CFAP61: variants seen among roughly 807,000 people sequenced by gnomAD.
The protein encoded by CFAP61 is cilia- and flagella-associated protein 61.
A neutral mutation model predicts 135.6 loss-of-function variants in CFAP61; 107 were observed. The observed-to-expected ratio is 0.79, with a 90% CI of 0.67 to 0.93. The LOEUF is 0.93. Ranked by LOEUF, CFAP61 falls within the 40% of genes least tolerant of loss-of-function variation. The pLI is 0.00. For synonymous variants in CFAP61, 575 were observed against 578.5 expected (o/e 0.99, Z 0.09); for missense variants, 1,507 against 1,556.2 (o/e 0.97, Z 0.53).
intron 26 of CFAP61, among the ~76,000 whole-genome samples, chr20:20,349,555 A>G (rs141726499): frequency 1.3e-5 from 2 of 152,346 alleles, no homozygotes; most frequent in Non-Finnish European, 2.9e-5. Flanking sequence ...ATCACATTCC[A>G]GCATGAGAGT....
At chr20:20,309,714 A>G (rs546146864) in intron 25 of CFAP61, among the ~76,000 whole-genome samples, 1 of 152,362 alleles carries the variant, frequency 6.6e-6, no homozygotes, top group Non-Finnish European at 1.5e-5. Flanking sequence ...TGGCCAAAAA[A>G]AAAATTATGT....
At position 20,212,419 on chromosome 20, in the gene CFAP61, C is replaced by T. The variant is rs189321056; in HGVS notation, c.1932+12517C>T. On this transcript the variant is annotated intron_variant, in intron 17 of 26. Coordinates refer to ENST00000245957, the MANE Select transcript of CFAP61 (RefSeq NM_015585.4). ...GTGCTTAAACTTCCAATTCCAAGCA[C>T]GTCTACATGTCGTCACTTCCTGGTG... Among the ~76,000 whole-genome samples, 18 of 152,304 alleles carry T rather than the reference C, an allele frequency of 1.2e-4. No homozygotes were observed. In the East Asian group the frequency reaches 1.4e-3, roughly 11 times the overall value.
intron 17 of CFAP61, among the ~76,000 whole-genome samples, chr20:20,211,307 A>G (rs1192539410): frequency 6.6e-6 from 1 of 152,200 alleles, no homozygotes; most frequent in African/African-American, 2.4e-5. Flanking sequence ...TCTGTGTTCC[A>G]TTAGAGAAGC....
At chr20:20,336,973 G>A (rs1195883658) in intron 25 of CFAP61, among the ~76,000 whole-genome samples, 1 of 152,236 alleles carries the variant, frequency 6.6e-6, no homozygotes, top group Non-Finnish European at 1.5e-5. Context: ...TCACATGTTT[G>A]ACACAGGCGT....
At chr20:20,102,039 C>T (rs2048065065) in intron 8 of CFAP61, among the ~76,000 whole-genome samples, 1 of 152,186 alleles carries the variant, frequency 6.6e-6, no homozygotes, top group Non-Finnish European at 1.5e-5. Context: ...CAAACAACTC[C>T]TATCTGCTGG....
At chr20:20,270,716 G>A (rs937393204) in intron 21 of CFAP61, among the ~76,000 whole-genome samples, 11 of 147,216 alleles carry the variant, frequency 7.5e-5, no homozygotes, top group Non-Finnish European at 1.3e-4. Context: ...GCCTGTCTCT[G>A]TCACCCCCCA....
At chr20:20,265,986 C>T (rs1601714808) in intron 21 of CFAP61, among the ~76,000 whole-genome samples, 1 of 152,110 alleles carries the variant, frequency 6.6e-6, no homozygotes, top group Non-Finnish European at 1.5e-5. Flanking sequence ...ACAGAAAGCC[C>T]GTCCCCACCT....
chr20:20,099,700 A>G (rs947311352), intron 8 of CFAP61, among the ~76,000 whole-genome samples: 20 of 152,128 alleles, frequency 1.3e-4, no homozygotes, highest in Admixed American at 4.6e-4. Context: ...GCCTTCCACC[A>G]ACTTGAATCT....
intron 25 of CFAP61, among the ~76,000 whole-genome samples, chr20:20,319,069 C>T (rs114216947): frequency 0.027 from 4,116 of 152,274 alleles, 186 homozygotes; most frequent in African/African-American, 0.094. Context: ...ATTGGCTGTC[C>T]CAAGACCCTG....
intron 21 of CFAP61, among the ~76,000 whole-genome samples, chr20:20,268,470 C>T (rs1226499777): frequency 6.6e-6 from 1 of 152,342 alleles, no homozygotes; most frequent in African/African-American, 2.4e-5. Context: ...GAGAGTAGCT[C>T]CTTCCCACAG....
At chr20:20,256,431 CACA>C (rs2051580814) in intron 20 of CFAP61, among the ~76,000 whole-genome samples, 1 of 135,614 alleles carries the variant, frequency 7.4e-6, no homozygotes, top group African/African-American at 2.7e-5. Flanking sequence ...CACACACACA[CACA>C]TTGTAGGCAA....
intron 9 of CFAP61, among the ~76,000 whole-genome samples, chr20:20,149,605 G>A (rs2052227296): frequency 6.6e-6 from 1 of 152,188 alleles, no homozygotes; most frequent in Admixed American, 6.5e-5. Context: ...CAGATTACAG[G>A]AGAAAGATTT....
At chr20:20,199,941 G>C (rs1202370802) in intron 17 of CFAP61, 39 bp downstream of exon 17, 2 of 1,607,534 alleles carry the variant, frequency 1.2e-6, no homozygotes, top group Non-Finnish European at 8.5e-7. Flanking sequence ...CGCGGTGCCA[G>C]CTCCCGCGGG....
Position 20,209,143 on chromosome 20 carries a change from G to A in CFAP61, c.1932+9241G>A, listed in dbSNP as rs989541721. ...ATGTAGCATCTATTTTCTTCATGCC[G>A]AGGCCACACAGCTGCTAAGTCACGG... On this transcript the variant is annotated intron_variant, in intron 17 of 26. Transcript: ENST00000245957. Among the ~76,000 whole-genome samples, 7 of 152,070 alleles carry A rather than the reference G, an allele frequency of 4.6e-5. No individual in the cohort carries two copies. In the East Asian group the frequency reaches 5.8e-4, roughly 13 times the overall value.
chr20:20,243,589 C>T (rs1451939050), intron 18 of CFAP61, among the ~76,000 whole-genome samples: 2 of 152,114 alleles, frequency 1.3e-5, no homozygotes, highest in African/African-American at 4.8e-5. Context: ...AGGCATGTGC[C>T]ACCACACCTG....
chr20:20,199,931 C>A (rs773596252), intron 17 of CFAP61, 29 bp downstream of exon 17: 1 of 1,611,112 alleles, frequency 6.2e-7, no homozygotes, highest in Admixed American at 1.7e-5. Context: ...GGCAGGGCGG[C>A]GCGGTGCCAG....
At chr20:20,098,980 A>C (rs1207484379) in intron 8 of CFAP61, among the ~76,000 whole-genome samples, 166 bp downstream of exon 8, 12 of 152,228 alleles carry the variant, frequency 7.9e-5, no homozygotes. Context: ...AAATACCTAC[A>C]AGCACAGATA....
In CFAP61 at chr20:20,263,099, T is replaced by C; in HGVS notation, c.2472T>C (p.Ile824=). The C allele has an allele frequency of 1.9e-6, 3 of 1,614,024 alleles. No individual in the cohort carries two copies. Among genetic ancestry groups the C allele is most frequent in the Non-Finnish European group, 2.5e-6 (3 of 1,179,938 alleles). ...AAGAGGATTGCTTTAAGGCACTGAT[T>C]TGGATAAGGAATAACTCCATCACCA... ...NEEEDCFKAL[I]WIRNNSITTE... is the part of the protein sequence containing the mutation. Residue 824 remains isoleucine, a synonymous_variant, in exon 21 of 27, where the codon ATT becomes ATC. Coordinates refer to ENST00000245957, the MANE Select transcript of CFAP61 (RefSeq NM_015585.4).
At chr20:20,130,018 G>A (rs1010988561) in intron 8 of CFAP61, among the ~76,000 whole-genome samples, 1 of 151,646 alleles carries the variant, frequency 6.6e-6, no homozygotes, top group Non-Finnish European at 1.5e-5. Flanking sequence ...AGCCGGGCGC[G>A]ATGGCTTACA....
Sources: allele counts gnomAD v4.1 joint callset (sites outside exome capture counted in the v4.1 genomes callset), GRCh38; gene constraint gnomAD v4.1.1; transcripts MANE v1.5; gene names NCBI Gene and HGNC (gene_info 2026-07-23, HGNC 2026-07-21).